Variants in AGBL1 observed in about 807,000 individuals in gnomAD.
AGBL1 encodes AGBL carboxypeptidase 1.
In AGBL1, 130 loss-of-function variants were observed where a neutral mutation model predicts 118.9. The ratio of observed to expected loss-of-function variants is 1.09; its 90% confidence interval spans 0.95 to 1.26. The LOEUF (loss-of-function observed/expected upper bound fraction) is 1.26. Among genes scored for constraint, AGBL1 ranks in the 50% most tolerant of loss-of-function variants. AGBL1 has a pLI of 0.00. For synonymous variants in AGBL1, 555 were observed against 478.9 expected (o/e 1.16, Z -2.08); for missense variants, 1,584 against 1,298.1 (o/e 1.22, Z -3.38).
Position 86,667,870 on chromosome 15 carries a change from T to C in AGBL1, c.2995-6403T>C, listed in dbSNP as rs114833734. 6.7e-3 allele frequency among the ~76,000 whole-genome samples: 1,021 copies of C among 152,330 alleles called. 8 individuals are homozygous for C. The highest frequency in any genetic ancestry group is 0.021 in the East Asian group (108 of 5,172). ...TTTTGTATTGCTGTAAGGGAATACC[T>C]GAGAGTGAGTAATTTATAAAGAAAA... On this transcript the variant is annotated intron_variant, in intron 21 of 22. Transcript: ENST00000614907.
At chr15:86,586,503 G>C (rs1022511897) in intron 21 of AGBL1, among the ~76,000 whole-genome samples, 1 of 152,110 alleles carries the variant, frequency 6.6e-6, no homozygotes, top group East Asian at 1.9e-4. Context: ...AGGTCACACA[G>C]AGCGTAATGA....
intron 18 of AGBL1, among the ~76,000 whole-genome samples, chr15:86,412,316 AG>A (rs934280936): frequency 3.9e-5 from 6 of 152,172 alleles, no homozygotes; most frequent in Non-Finnish European, 8.8e-5. Flanking sequence ...TTTATCCAAA[AG>A]CAATTTATGT....
At chr15:86,296,509 A>G (rs1187478055) in intron 17 of AGBL1, 1 of 152,160 alleles carries the variant, frequency 6.6e-6, no homozygotes, top group Admixed American at 6.5e-5. Context: ...TGATGAAGAC[A>G]CAGCCTTCCC....
intron 5 of AGBL1, among the ~76,000 whole-genome samples, chr15:86,160,133 T>A (rs1373672897): frequency 6.6e-6 from 1 of 151,232 alleles, no homozygotes; most frequent in African/African-American, 2.4e-5. Context: ...GATCACCTTT[T>A]TTAGGGGAAG....
At chr15:86,095,735 G>T (rs372430654) in intron 1 of AGBL1, among the ~76,000 whole-genome samples, 15 of 146,744 alleles carry the variant, frequency 1.0e-4, no homozygotes, top group African/African-American at 3.8e-4. Context: ...TACTCTCTGT[G>T]GTTGGGGGGA....
At chr15:86,408,872 C>A (rs1356781425) in intron 18 of AGBL1, among the ~76,000 whole-genome samples, 2 of 152,142 alleles carry the variant, frequency 1.3e-5, no homozygotes, top group Non-Finnish European at 2.9e-5. Flanking sequence ...TTTTTCCTCA[C>A]TTTCTCCTGC....
rs189953385 is a variant in AGBL1 at position 86,443,546 on chromosome 15, A to G, written c.2555+46000A>G. On this transcript the variant is annotated intron_variant, in intron 18 of 22. Transcript: ENST00000614907. ...ACAGTGCTACAGAACACCAGAATTTATTCCTCCTATCTAATTGTATTTTGT... is the reference window on the plus strand; with the variant it reads ...ACAGTGCTACAGAACACCAGAATTTGTTCCTCCTATCTAATTGTATTTTGT... Among the ~76,000 whole-genome samples the G allele has an allele frequency of 1.4e-3, 216 of 152,296 alleles. 1 individual carries two copies. Among genetic ancestry groups the G allele is most frequent in the Middle Eastern group, 0.014 (4 of 294 alleles).
At chr15:86,407,202 A>G (rs1184747120) in intron 18 of AGBL1, among the ~76,000 whole-genome samples, 1 of 152,204 alleles carries the variant, frequency 6.6e-6, no homozygotes, top group Non-Finnish European at 1.5e-5. Flanking sequence ...CTACCTGAAA[A>G]AGTAAACTGT....
chr15:86,423,374 A>T (rs1363991590), intron 18 of AGBL1, among the ~76,000 whole-genome samples: 1 of 152,162 alleles, frequency 6.6e-6, no homozygotes, highest in East Asian at 1.9e-4. Context: ...AAAATTCAAC[A>T]ACCTTTCATG....
intron 17 of AGBL1, among the ~76,000 whole-genome samples, chr15:86,322,228 A>G (rs1308745434): frequency 1.3e-5 from 2 of 151,858 alleles, no homozygotes; most frequent in Non-Finnish European, 2.9e-5. Context: ...TGACTGCTTA[A>G]TCTGTCTGTT....
At chr15:86,784,113 A>C (rs1245929963) in intron 22 of AGBL1, among the ~76,000 whole-genome samples, 1 of 152,202 alleles carries the variant, frequency 6.6e-6, no homozygotes, top group Non-Finnish European at 1.5e-5. Context: ...TATGTGAATA[A>C]TAATAATACT....
chr15:86,465,798 C>T (rs1001566910), intron 18 of AGBL1, among the ~76,000 whole-genome samples: 3 of 152,172 alleles, frequency 2.0e-5, no homozygotes, highest in Non-Finnish European at 4.4e-5. Context: ...ACAATGTGTG[C>T]CCAGTGGGAC....
intron 5 of AGBL1, among the ~76,000 whole-genome samples, chr15:86,176,662 C>G (rs567612468): frequency 6.6e-6 from 1 of 152,238 alleles, no homozygotes; most frequent in East Asian, 1.9e-4. Context: ...CTGTTGGGCC[C>G]CAGGGCAGGA....
At chr15:86,755,003 T>A (rs2077914903) in intron 22 of AGBL1, among the ~76,000 whole-genome samples, 1 of 152,120 alleles carries the variant, frequency 6.6e-6, no homozygotes, top group Admixed American at 6.6e-5. Context: ...GATGTGGGAC[T>A]TGAGATTTAT....
chr15:86,489,564 C>T (rs539884838), intron 18 of AGBL1, among the ~76,000 whole-genome samples: 18 of 152,184 alleles, frequency 1.2e-4, no homozygotes, highest in Admixed American at 5.2e-4. Context: ...ATCTGGCATT[C>T]GGGTCTATAT....
intron 7 of AGBL1, among the ~76,000 whole-genome samples, chr15:86,250,064 C>A (rs2078785941): frequency 6.6e-6 from 1 of 152,106 alleles, no homozygotes; most frequent in African/African-American, 2.4e-5. Flanking sequence ...ATAATCTCTG[C>A]AAGTATGATA....
intron 22 of AGBL1, among the ~76,000 whole-genome samples, chr15:86,803,344 C>T (rs913168563): frequency 6.6e-6 from 1 of 152,134 alleles, no homozygotes; most frequent in Non-Finnish European, 1.5e-5. Context: ...GAAGAAAGTC[C>T]TTGCTTCCCC....
intron 18 of AGBL1, among the ~76,000 whole-genome samples, chr15:86,451,819 C>T (rs1041764210): frequency 6.6e-6 from 1 of 152,066 alleles, no homozygotes; most frequent in African/African-American, 2.4e-5. Context: ...ATGATTTGCA[C>T]ATGTCTGTAA....
intron 22 of AGBL1, among the ~76,000 whole-genome samples, chr15:86,845,879 T>G (rs1233703971): frequency 2.0e-5 from 3 of 152,198 alleles, no homozygotes; most frequent in African/African-American, 7.2e-5. Context: ...ATGTATATCT[T>G]TTCTCCCAAA....
Sources: allele counts gnomAD v4.1 joint callset (sites outside exome capture counted in the v4.1 genomes callset), GRCh38; gene constraint gnomAD v4.1.1; transcripts MANE v1.5; gene names NCBI Gene and HGNC (gene_info 2026-07-23, HGNC 2026-07-21).